LZTFL1: variants seen among roughly 807,000 people sequenced by gnomAD.
LZTFL1 encodes the protein leucine zipper transcription factor like 1.
A neutral mutation model predicts 45.9 loss-of-function variants in LZTFL1; 25 were observed. That is an observed-to-expected ratio of 0.54 (90% CI 0.40 to 0.76). The LOEUF (loss-of-function observed/expected upper bound fraction) is 0.76, where lower values mean the gene tolerates loss of function less well. LZTFL1 is among the 30% of genes least tolerant of loss of function. The pLI is 0.00. For missense variants in LZTFL1, 277 were observed against 331.1 expected (o/e 0.84, Z 1.27); for synonymous variants, 93 against 117.4 (o/e 0.79, Z 1.35).
intron 7 of LZTFL1, among the ~76,000 whole-genome samples, chr3:45,829,195 C>T (rs1370287942): frequency 2.0e-5 from 3 of 152,154 alleles, no homozygotes; most frequent in Non-Finnish European, 4.4e-5. Context: ...AAGACAGGCA[C>T]TGGATCTTCT....
chr3:45,905,988 A>G (rs757469937), intron 2 of LZTFL1, among the ~76,000 whole-genome samples: 92 of 152,258 alleles, frequency 6.0e-4, no homozygotes, highest in Non-Finnish European at 8.1e-4. Context: ...TCTCTGCCCA[A>G]TCATGCTTCC....
At chr3:45,907,755 ATTC>A (rs1235137044) in intron 2 of LZTFL1, among the ~76,000 whole-genome samples, 3 of 152,132 alleles carry the variant, frequency 2.0e-5, no homozygotes, top group Admixed American at 6.5e-5. Flanking sequence ...ATTCGCTAGT[ATTC>A]TTCTTCCTAC....
chr3:45,910,209 A>C (rs1702766340), intron 2 of LZTFL1, among the ~76,000 whole-genome samples: 1 of 152,184 alleles, frequency 6.6e-6, no homozygotes, highest in Admixed American at 6.5e-5. Flanking sequence ...CAGGGATGCC[A>C]GTCAGGAGCT....
intron 4 of LZTFL1, chr3:45,854,973 C>T (rs1459873425): frequency 1.3e-6 from 2 of 1,515,060 alleles, no homozygotes; most frequent in Non-Finnish European, 8.9e-7. Flanking sequence ...GTCAGATGCG[C>T]TTGTCAACTT....
intron 2 of LZTFL1, among the ~76,000 whole-genome samples, chr3:45,866,624 A>T (rs13081482): frequency 0.061 from 9,341 of 152,248 alleles, 497 homozygotes; most frequent in South Asian, 0.27. Flanking sequence ...ATGTCACTAA[A>T]AGTTCTTTGA....
At chr3:45,897,077 C>G (rs1433634135) in intron 2 of LZTFL1, among the ~76,000 whole-genome samples, 1 of 152,164 alleles carries the variant, frequency 6.6e-6, no homozygotes, top group Non-Finnish European at 1.5e-5. Flanking sequence ...GGAGCAACAG[C>G]CTGTGGGCTC....
intron 3 of LZTFL1, among the ~76,000 whole-genome samples, chr3:45,856,754 C>G (rs1190346958): frequency 6.6e-6 from 1 of 151,984 alleles, no homozygotes; most frequent in African/African-American, 2.4e-5. Context: ...ATTTATGCAG[C>G]CAACAAACAT....
At chr3:45,843,746 A>G (rs1176352170), upstream of LZTFL1, among the ~76,000 whole-genome samples, 1 of 152,250 alleles carries the variant, frequency 6.6e-6, no homozygotes, top group Non-Finnish European at 1.5e-5. Flanking sequence ...GAGTGTTGTT[A>G]CATAAGCTGT....
exon 2 of LZTFL1, chr3:45,913,177 C>T (rs777996400): frequency 4.6e-6 from 7 of 1,532,514 alleles, no homozygotes; most frequent in Non-Finnish European, 6.1e-6. Context: ...ACAGCAAGAG[C>T]CTAGAAAATT....
intron 5 of LZTFL1, among the ~76,000 whole-genome samples, chr3:45,832,310 TAAC>T (rs1700848690): frequency 6.6e-6 from 1 of 152,182 alleles, no homozygotes; most frequent in Admixed American, 6.5e-5. Flanking sequence ...TTTTTATTTC[TAAC>T]AACATCTAGC....
At chr3:45,828,790 A>C (rs1575250627) in intron 7 of LZTFL1, among the ~76,000 whole-genome samples, 175 bp from the exon 8 acceptor site, 2 of 152,244 alleles carry the variant, frequency 1.3e-5, no homozygotes, top group East Asian at 3.8e-4. Flanking sequence ...CCAGCAGGCC[A>C]GTCCATTGTC....
chr3:45,850,114 G>T (rs576525908), intron 4 of LZTFL1, among the ~76,000 whole-genome samples: 1 of 152,220 alleles, frequency 6.6e-6, no homozygotes, highest in South Asian at 2.1e-4. Context: ...CCTTCAAAAT[G>T]GATATATATT....
In LZTFL1 at chr3:45,879,984, C is replaced by T. The variant is rs1234635025; in HGVS notation, c.-214-20968G>A. On this transcript the variant is annotated intron_variant, in intron 2 of 4. Coordinates refer to the LZTFL1 transcript ENST00000472635. The stretch of plus-strand genomic sequence containing the variant: ...TGTGTCCTCCTTCCATCAGGGGTGG[C>T]AGGAGGGAGGGATGTAAGCACCCTG... 2.6e-5 allele frequency among the ~76,000 whole-genome samples: 4 copies of T among 152,108 alleles called. No homozygotes were observed. The East Asian group carries it at 5.8e-4, about 22-fold the overall frequency.
chr3:45,890,488 G>T (rs1011207227), intron 2 of LZTFL1, among the ~76,000 whole-genome samples: 1 of 148,120 alleles, frequency 6.8e-6, no homozygotes, highest in Non-Finnish European at 1.5e-5. Context: ...TTTCATCTGG[G>T]GCAAAAAAAA....
rs1321294033 is a variant in LZTFL1 at position 45,877,758 on chromosome 3, T to C, written c.-214-18742A>G. Among the ~76,000 whole-genome samples the C allele has an allele frequency of 1.4e-4, 21 of 150,920 alleles. No homozygotes were observed. The East Asian group carries it at 3.3e-3, about 24-fold the overall frequency. ...ATTTATTAGTTTTTTTTTTTTTTTT[T>C]CCTGAGACAGAGTCTAGCTCTTTGT... On this transcript the variant is annotated intron_variant, in intron 2 of 4. Transcript: ENST00000472635.
chr3:45,829,070 G>A (rs1700744930), intron 7 of LZTFL1, among the ~76,000 whole-genome samples: 1 of 152,094 alleles, frequency 6.6e-6, no homozygotes, highest in Non-Finnish European at 1.5e-5. Flanking sequence ...TATTTACAAG[G>A]AAATAATATG....
At chr3:45,866,363 G>A (rs1701577810) in intron 2 of LZTFL1, among the ~76,000 whole-genome samples, 1 of 152,014 alleles carries the variant, frequency 6.6e-6, no homozygotes, top group Non-Finnish European at 1.5e-5. Flanking sequence ...ATGTAAAAAT[G>A]AAGACGAAAA....
At chr3:45,883,769 AAC>A in intron 2 of LZTFL1, 1 of 568,290 alleles carries the variant, frequency 1.8e-6, no homozygotes, top group Non-Finnish European at 3.2e-6. Context: ...CATCCCCATG[AAC>A]ACAGTCAGGA....
upstream of LZTFL1, among the ~76,000 whole-genome samples, chr3:45,842,609 GTGT>G (rs1478851478): frequency 8.5e-5 from 13 of 152,122 alleles, no homozygotes; most frequent in African/African-American, 2.4e-4. Flanking sequence ...TATTATTACT[GTGT>G]TGTTATTATC....
Sources: gnomAD v4.1 joint callset for allele counts (sites outside exome capture counted in the v4.1 genomes callset) on GRCh38, gnomAD v4.1.1 for gene constraint, MANE v1.5 for transcripts, NCBI Gene and HGNC (gene_info 2026-07-23, HGNC 2026-07-21) for gene names.